Variants in GRK3 observed in about 807,000 individuals in gnomAD.
GRK3 encodes adrenergic, beta, receptor kinase 2.
A neutral mutation model predicts 95.7 loss-of-function variants in GRK3; 54 were observed. The observed-to-expected ratio is 0.56, with a 90% CI of 0.45 to 0.71. GRK3 has a LOEUF of 0.71. GRK3 is among the 30% of genes least tolerant of loss of function. GRK3 has a pLI of 0.00. For synonymous variants in GRK3, 281 were observed against 290.8 expected, an observed-to-expected ratio of 0.97 and a Z score of 0.34; for missense variants, 649 against 851.2, an observed-to-expected ratio of 0.76 and a Z score of 2.96.
chr22:25,571,875 CT>C (rs959860210), intron 1 of GRK3, among the ~76,000 whole-genome samples: 1 of 151,896 alleles, frequency 6.6e-6, no homozygotes, highest in African/African-American at 2.4e-5. Flanking sequence ...TAAAATTATA[CT>C]TTAAGTTCTA....
chr22:25,716,073 G>A (rs997160853), intron 18 of GRK3, among the ~76,000 whole-genome samples: 2 of 151,856 alleles, frequency 1.3e-5, no homozygotes, highest in African/African-American at 4.8e-5. Context: ...TGCAACCTCC[G>A]CCTCCCAGGT....
chr22:25,591,359 G>T (rs918520190), intron 1 of GRK3, among the ~76,000 whole-genome samples: 9 of 152,174 alleles, frequency 5.9e-5, no homozygotes, highest in African/African-American at 2.2e-4. Flanking sequence ...TCACCTGGAA[G>T]CTCTCCAAAC....
At chr22:25,602,647 T>C (rs2084417097) in intron 1 of GRK3, among the ~76,000 whole-genome samples, 1 of 152,190 alleles carries the variant, frequency 6.6e-6, no homozygotes, top group Admixed American at 6.5e-5. Flanking sequence ...GAAATACTTA[T>C]GCACATAGCA....
intron 2 of GRK3, among the ~76,000 whole-genome samples, chr22:25,621,440 G>A (rs913988632): frequency 2.6e-5 from 4 of 152,088 alleles, no homozygotes; most frequent in African/African-American, 9.7e-5. Flanking sequence ...TCAAGCTGCA[G>A]AAGATCACCA....
chr22:25,605,352 G>A (rs559188828), intron 2 of GRK3, among the ~76,000 whole-genome samples: 3 of 152,126 alleles, frequency 2.0e-5, no homozygotes, highest in African/African-American at 7.2e-5. Flanking sequence ...AAAGAGTTTG[G>A]CTTTCATTTT....
In GRK3 at chr22:25,565,045, C is replaced by A; in HGVS notation, c.5C>A (p.Ala2Glu). M[A>E]DLEAVLADVS... The stretch of plus-strand genomic sequence containing the variant: ...CCGCCGCCAAAGCTCGCCAACATGG[C>A]GGACCTGGAGGCTGTGCTGGCCGAT... Residue 2 changes from alanine (A) to glutamate (E), a missense_variant, in exon 1 of 21, where the codon GCG (alanine) becomes GAG (glutamate). Ala to Glu is a moderately radical substitution (Grantham distance 107). Around this residue, in one of 3 missense-constraint regions of GRK3, gnomAD observed 206 missense variants for 231.4 expected, o/e 0.89. Coordinates refer to ENST00000324198, the MANE Select transcript of GRK3 (RefSeq NM_005160.4). 1 of 1,473,308 alleles carries A rather than the reference C, an allele frequency of 6.8e-7. No homozygotes were observed. Among genetic ancestry groups the A allele is most frequent in the Non-Finnish European group, 9.0e-7 (1 of 1,107,588 alleles). The allele number at this position is 1,473,308 out of a possible 1,614,324, so 91.3% of individuals were successfully genotyped here.
intron 7 of GRK3, among the ~76,000 whole-genome samples, chr22:25,673,766 A>G (rs1007378558): frequency 6.6e-5 from 10 of 152,076 alleles, no homozygotes; most frequent in African/African-American, 2.4e-4. Context: ...GCCACTTAAC[A>G]TTATTAAATC....
chr22:25,644,236 G>A (rs1336575821), intron 2 of GRK3, among the ~76,000 whole-genome samples: 2 of 151,174 alleles, frequency 1.3e-5, no homozygotes, highest in Non-Finnish European at 2.9e-5. Context: ...AACACATACT[G>A]TCTGTATCTC....
chr22:25,591,571 C>G (rs1321068470), intron 1 of GRK3, among the ~76,000 whole-genome samples: 1 of 152,028 alleles, frequency 6.6e-6, no homozygotes, highest in Admixed American at 6.6e-5. Flanking sequence ...TTAGCATAAA[C>G]TCAGGTATGG....
intron 20 of GRK3, 115 bp from the exon 21 acceptor site, chr22:25,722,174 G>GT: frequency 8.5e-7 from 1 of 1,173,274 alleles, no homozygotes. Context: ...GGGTGGACAC[G>GT]TAGGGTGTGC....
At chr22:25,573,022 T>TTACC (rs1218356836) in intron 1 of GRK3, among the ~76,000 whole-genome samples, 5 of 152,218 alleles carry the variant, frequency 3.3e-5, no homozygotes, top group African/African-American at 1.2e-4. Flanking sequence ...CTCTCTTGTA[T>TTACC]TACCTTCTGT....
At chr22:25,628,408 T>A (rs932129824) in intron 2 of GRK3, among the ~76,000 whole-genome samples, 7 of 152,226 alleles carry the variant, frequency 4.6e-5, no homozygotes, top group Non-Finnish European at 2.9e-5. Context: ...AGAGGGTTAT[T>A]TATTGCAGCA....
chr22:25,701,555 A>G (rs994355852), intron 13 of GRK3, among the ~76,000 whole-genome samples: 1 of 152,202 alleles, frequency 6.6e-6, no homozygotes, highest in Non-Finnish European at 1.5e-5. Context: ...TGGTTTTGGC[A>G]CCACTAACTT....
chr22:25,635,864 A>G (rs2084697212), intron 2 of GRK3, among the ~76,000 whole-genome samples: 1 of 151,906 alleles, frequency 6.6e-6, no homozygotes, highest in Non-Finnish European at 1.5e-5. Context: ...CAGTTTTCTG[A>G]CTCCATCATT....
At chr22:25,635,471 A>G (rs1362937968) in intron 2 of GRK3, among the ~76,000 whole-genome samples, 1 of 152,100 alleles carries the variant, frequency 6.6e-6, no homozygotes, top group Non-Finnish European at 1.5e-5. Flanking sequence ...GTTCCCCAAA[A>G]TGTTCTTTTT....
intron 12 of GRK3, among the ~76,000 whole-genome samples, chr22:25,690,880 G>T (rs2085159946): frequency 6.6e-6 from 1 of 151,792 alleles, no homozygotes; most frequent in Non-Finnish European, 1.5e-5. Context: ...TTAGACTTGG[G>T]TCTTGCACCA....
At chr22:25,662,888 A>G (rs1436658064) in intron 4 of GRK3, among the ~76,000 whole-genome samples, 1 of 152,116 alleles carries the variant, frequency 6.6e-6, no homozygotes, top group Non-Finnish European at 1.5e-5. Flanking sequence ...GGAGGATACC[A>G]TTTTAATTTT....
chr22:25,612,137 G>C (rs2084502926), intron 2 of GRK3, among the ~76,000 whole-genome samples: 1 of 152,102 alleles, frequency 6.6e-6, no homozygotes, highest in Admixed American at 6.5e-5. Flanking sequence ...CCGGCCTTTA[G>C]TGTCATATTT....
In GRK3 at chr22:25,644,586, C is replaced by T; in HGVS notation, c.191-6C>T. On this transcript the variant is annotated splice_region_variant and splice_polypyrimidine_tract_variant and intron_variant, in intron 2 of 20. Coordinates refer to ENST00000324198, the MANE Select transcript of GRK3 (RefSeq NM_005160.4). Reference sequence around the variant, plus strand: ...CACCCTGAAATTTTTTATTTTTTTCCTTTAGGTTTCTTGCTATTTAAAGAT... The same window carrying T: ...CACCCTGAAATTTTTTATTTTTTTCTTTTAGGTTTCTTGCTATTTAAAGAT... 4.8e-6 allele frequency: 7 copies of T among 1,463,934 alleles called. No homozygotes were observed. The highest frequency in any genetic ancestry group is 2.3e-5 in the East Asian group (1 of 43,356). The allele number at this position is 1,463,934 out of a possible 1,614,324, so 90.7% of individuals were successfully genotyped here.
Sources: gnomAD v4.1 joint callset for allele counts (sites outside exome capture counted in the v4.1 genomes callset) on GRCh38, gnomAD v4.1.1 for gene constraint, gnomAD v4.1.1 regional missense constraint, MANE v1.5 for transcripts, NCBI Gene and HGNC (gene_info 2026-07-23, HGNC 2026-07-21) for gene names.